HS3ST4: variants seen among roughly 807,000 people sequenced by gnomAD.
HS3ST4 encodes the protein heparan sulfate glucosamine 3-O-sulfotransferase 4.
HS3ST4 carries 17 observed loss-of-function variants against 29.2 expected under a neutral mutation model. The observed-to-expected ratio is 0.58, with a 90% CI of 0.40 to 0.87. The LOEUF is 0.87. Ranked by LOEUF, HS3ST4 falls within the 40% of genes least tolerant of loss-of-function variation. The probability of loss-of-function intolerance (pLI) is 0.00; values close to 1 mark genes in which losing one functional copy is unlikely to be tolerated. For synonymous variants in HS3ST4, 314 were observed against 285.7 expected (o/e 1.10, Z -1.00); for missense variants, 627 against 634.5 (o/e 0.99, Z 0.13).
At chr16:25,699,207 C>T (rs962580864) in intron 1 of HS3ST4, among the ~76,000 whole-genome samples, 2 of 152,144 alleles carry the variant, frequency 1.3e-5, no homozygotes, top group African/African-American at 2.4e-5. Flanking sequence ...ACCCTGTGTA[C>T]CCTGTGCAGT....
At chr16:25,981,145 G>T (rs1969000143) in intron 1 of HS3ST4, among the ~76,000 whole-genome samples, 1 of 152,078 alleles carries the variant, frequency 6.6e-6, no homozygotes, top group South Asian at 2.1e-4. Flanking sequence ...ATCACTTGAG[G>T]TCAGGAGTTT....
chr16:25,777,967 C>T lies in HS3ST4; in HGVS notation c.734+84816C>T, dbSNP rs571730440. ...AATAGATAGACACACATGGTGTATG[C>T]TTAGGAGAGTTCTGGAGAGGGGTGA... On this transcript the variant is annotated intron_variant, in intron 1 of 1. Transcript: ENST00000331351. Among the ~76,000 whole-genome samples the T allele has an allele frequency of 3.3e-5, 5 of 151,980 alleles. 1 individual carries two copies. The highest frequency in any genetic ancestry group is 7.4e-5 in the Non-Finnish European group (5 of 68,002).
chr16:26,110,474 A>AAT (rs1003003193), intron 1 of HS3ST4, among the ~76,000 whole-genome samples: 5 of 152,124 alleles, frequency 3.3e-5, no homozygotes, highest in African/African-American at 1.2e-4. Context: ...CAAGCTAGTA[A>AAT]ATATTTTATT....
At chr16:25,740,975 A>G (rs1441184914) in intron 1 of HS3ST4, among the ~76,000 whole-genome samples, 1 of 152,136 alleles carries the variant, frequency 6.6e-6, no homozygotes, top group Non-Finnish European at 1.5e-5. Context: ...CCTAGCATAG[A>G]TTTTTAGTTT....
At chr16:26,014,007 A>AAAATAAATAAATAAAT (rs142700276) in intron 1 of HS3ST4, among the ~76,000 whole-genome samples, 23,132 of 145,412 alleles carry the variant, frequency 0.16, 1,970 homozygotes, top group East Asian at 0.21. Context: ...ACTCTGTCTC[A>AAAATAAATAAATAAAT]AAATAAATAA....
intron 1 of HS3ST4, among the ~76,000 whole-genome samples, chr16:25,716,798 A>G (rs915178285): frequency 3.9e-5 from 6 of 152,224 alleles, no homozygotes; most frequent in Admixed American, 3.9e-4. Context: ...TCACGCCTGT[A>G]ATCCTAGCAC....
intron 1 of HS3ST4, among the ~76,000 whole-genome samples, chr16:26,014,320 C>T (rs1268324217): frequency 1.3e-5 from 2 of 152,122 alleles, no homozygotes; most frequent in African/African-American, 4.8e-5. Context: ...CTATCGTCAC[C>T]ATTTTACTTT....
chr16:25,996,463 A>G (rs936794532), intron 1 of HS3ST4, among the ~76,000 whole-genome samples: 1 of 152,204 alleles, frequency 6.6e-6, no homozygotes, highest in African/African-American at 2.4e-5. Flanking sequence ...AATATATAGT[A>G]TAAGTTAATG....
At chr16:25,828,280 CTTT>C (rs1567249417) in intron 1 of HS3ST4, among the ~76,000 whole-genome samples, 32 of 89,294 alleles carry the variant, frequency 3.6e-4, no homozygotes, top group East Asian at 7.8e-4. Flanking sequence ...TTCTTTCTTT[CTTT>C]CTTTCTTTCT....
intron 1 of HS3ST4, among the ~76,000 whole-genome samples, chr16:25,959,424 A>G (rs112297922): frequency 2.0e-3 from 311 of 152,342 alleles, no homozygotes; most frequent in African/African-American, 7.3e-3. Context: ...ATGTTTAATC[A>G]TAACTACATC....
At chr16:25,747,885 C>T (rs1173008327) in intron 1 of HS3ST4, among the ~76,000 whole-genome samples, 17 of 152,228 alleles carry the variant, frequency 1.1e-4, no homozygotes, top group Admixed American at 6.5e-4. Context: ...TTTGAAAGGG[C>T]GCTCTCAGCT....
chr16:25,833,263 T>A (rs1356687554), intron 1 of HS3ST4, among the ~76,000 whole-genome samples: 1 of 152,090 alleles, frequency 6.6e-6, no homozygotes, highest in African/African-American at 2.4e-5. Flanking sequence ...AGAAGGGAAA[T>A]GACTGATATT....
At chr16:25,981,888 C>A (rs1413086420) in intron 1 of HS3ST4, among the ~76,000 whole-genome samples, 1 of 152,212 alleles carries the variant, frequency 6.6e-6, no homozygotes, top group Non-Finnish European at 1.5e-5. Context: ...ACACACTCTG[C>A]ATGGCTGTAA....
intron 1 of HS3ST4, among the ~76,000 whole-genome samples, chr16:26,120,842 C>T (rs1360906904): frequency 6.6e-6 from 1 of 152,168 alleles, no homozygotes; most frequent in Non-Finnish European, 1.5e-5. Flanking sequence ...TTTAAGGATG[C>T]ACATGGGCTA....
intron 1 of HS3ST4, among the ~76,000 whole-genome samples, chr16:26,127,276 A>G (rs1248166910): frequency 1.3e-5 from 2 of 152,160 alleles, no homozygotes; most frequent in African/African-American, 4.8e-5. Context: ...GCTCCCCTTG[A>G]TCTGGACCAC....
intron 1 of HS3ST4, among the ~76,000 whole-genome samples, chr16:25,859,379 G>A (rs1967614926): frequency 1.3e-5 from 2 of 152,188 alleles, no homozygotes; most frequent in Admixed American, 1.3e-4. Context: ...AGCTATAGCT[G>A]AGCAAACCAA....
intron 1 of HS3ST4, among the ~76,000 whole-genome samples, chr16:25,971,546 C>G (rs1273666808): frequency 6.6e-6 from 1 of 152,130 alleles, no homozygotes; most frequent in African/African-American, 2.4e-5. Flanking sequence ...AGCAATAGAC[C>G]CCTTCAGTGA....
intron 1 of HS3ST4, among the ~76,000 whole-genome samples, chr16:25,995,073 G>T (rs1042798549): frequency 6.6e-6 from 1 of 152,138 alleles, no homozygotes; most frequent in Non-Finnish European, 1.5e-5. Context: ...AAAGTTCATA[G>T]CAGGCTGAGA....
At chr16:25,741,757 A>C (rs966311785) in intron 1 of HS3ST4, among the ~76,000 whole-genome samples, 4 of 152,136 alleles carry the variant, frequency 2.6e-5, no homozygotes, top group Non-Finnish European at 5.9e-5. Flanking sequence ...ATGCTGTGAT[A>C]GAGGTCTCTC....
Sources: gnomAD v4.1 joint callset for allele counts (sites outside exome capture counted in the v4.1 genomes callset) on GRCh38, gnomAD v4.1.1 for gene constraint, MANE v1.5 for transcripts, NCBI Gene and HGNC (gene_info 2026-07-23, HGNC 2026-07-21) for gene names.